Variants in ATG2B observed in about 807,000 individuals in gnomAD.
ATG2B encodes the protein autophagy-related protein 2 homolog B.
Under a neutral mutation model 241.3 loss-of-function variants are expected in ATG2B, and 121 were observed. The observed-to-expected ratio is 0.50, with a 90% confidence interval of 0.43 to 0.58. ATG2B has a LOEUF of 0.58. ATG2B is among the 20% of genes least tolerant of loss of function. The pLI is 0.00. For missense variants in ATG2B, 2,306 were observed against 2,491.6 expected, an observed-to-expected ratio of 0.93 and a Z score of 1.59; for synonymous variants, 858 against 876.6, an observed-to-expected ratio of 0.98 and a Z score of 0.37.
chr14:96,308,280 A>AT (rs1566719988), intron 29 of ATG2B, among the ~76,000 whole-genome samples: 11 of 28,652 alleles, frequency 3.8e-4, no homozygotes, highest in East Asian at 3.2e-3. Flanking sequence ...ATATATATAT[A>AT]TATTTTTTTT....
In ATG2B at chr14:96,333,738, G is replaced by A. The variant is rs1209154082; in HGVS notation, c.1157C>T (p.Ser386Leu). 6.2e-7 allele frequency: 1 copy of A among 1,613,900 alleles called. No homozygotes were observed. Among genetic ancestry groups the A allele is most frequent in the South Asian group, 1.1e-5 (1 of 91,072 alleles). The change falls in exon 8 of 42, where the codon TCA becomes TTA. Residue 386 changes from serine (S) to leucine (L), a missense_variant. Ser to Leu is a moderately radical substitution (Grantham distance 145). This residue lies in a region of ATG2B where 1,927 missense variants were observed against 2,011.2 expected (regional missense o/e 0.96). Coordinates refer to ENST00000359933, the MANE Select transcript of ATG2B (RefSeq NM_018036.7). ...RKDSLSVGVS[S>L]EQSFYETETA... ...TTCTGTCTCATAAAAGCTTTGCTCT[G>A]AAGATACACCCACAGAGAGGGAATC...
chr14:96,284,749 C>T lies in ATG2B; in HGVS notation c.*1006G>A, dbSNP rs1886291302. ...TTCATGGAAGCATAAAACAATATCA[C>T]CTTTAAATAAAAATACTTTATTCAT... On this transcript the variant is annotated 3_prime_UTR_variant, in exon 42 of 42. Transcript: ENST00000359933. 6.6e-6 allele frequency: 1 copy of T among 152,196 alleles called. No homozygotes were observed. The highest frequency in any genetic ancestry group is 2.4e-5 in the African/African-American group (1 of 41,440). The allele number at this position is 152,196 out of a possible 1,614,324, so 9.4% of individuals were successfully genotyped here.
Position 96,328,393 on chromosome 14 carries a change from A to T in ATG2B, c.2117T>A (p.Met706Lys), listed in dbSNP as rs1293674100. The T allele has an allele frequency of 1.2e-6, 2 of 1,613,592 alleles. No homozygotes were observed. Among genetic ancestry groups the T allele is most frequent in the Non-Finnish European group, 1.7e-6 (2 of 1,179,752 alleles). The stretch of plus-strand genomic sequence containing the variant: ...TGAAGTATACATGTGGGATGCCATC[A>T]TCTCTACTGTGGCAAGTTTCTGTGG... ...LQPQKLATVE[M>K]MASHMYTSYN... Residue 706 changes from methionine to lysine, a missense_variant, in exon 14 of 42, where the codon ATG (methionine) becomes AAG (lysine). By Grantham distance (95) the Met-to-Lys change is moderately conservative (BLOSUM62 -1). Around this residue, in one of 2 missense-constraint regions of ATG2B, gnomAD observed 1,927 missense variants for 2,011.2 expected, o/e 0.96. Coordinates refer to ENST00000359933, the MANE Select transcript of ATG2B (RefSeq NM_018036.7).
intron 34 of ATG2B, among the ~76,000 whole-genome samples, chr14:96,297,531 G>C (rs1357851072): frequency 6.6e-6 from 1 of 151,964 alleles, no homozygotes; most frequent in Non-Finnish European, 1.5e-5. Flanking sequence ...CTGAGTAGCT[G>C]GGATTACAGG....
chr14:96,309,511 A>C lies in ATG2B; in HGVS notation c.4245T>G (p.Asp1415Glu). The C allele has an allele frequency of 6.2e-7, 1 of 1,614,118 alleles. No individual in the cohort carries two copies. The highest frequency in any genetic ancestry group is 8.5e-7 in the Non-Finnish European group (1 of 1,179,982). ...DQQMLRDLMSDAMEEIDMQQG... is the reference protein window; with the variant it reads ...DQQMLRDLMSEAMEEIDMQQG... ...GTTGCATGTCGATCTCCTCCATAGC[A>C]TCACTCATCAGATCTCGTAACATTT... The change falls in exon 29 of 42, where the codon GAT (aspartate) becomes GAG (glutamate). Residue 1415 changes from aspartate (D) to glutamate (E), a missense_variant. Asp to Glu is a conservative substitution (Grantham distance 45). Transcript: ENST00000359933.
At chr14:96,308,282 A>ATATATATATATATTTTTTTTTTTTT (rs1566720002) in intron 29 of ATG2B, among the ~76,000 whole-genome samples, 1 of 37,036 alleles carries the variant, frequency 2.7e-5, no homozygotes, top group Non-Finnish European at 5.1e-5. Flanking sequence ...ATATATATAT[A>ATATATATATATATTTTTTTTTTTTT]TTTTTTTTTT....
Position 96,308,229 on chromosome 14 carries a change from T to C in ATG2B, c.4303+1224A>G, listed in dbSNP as rs1364567109. Among the ~76,000 whole-genome samples, 20 of 50,970 alleles carry C rather than the reference T, an allele frequency of 3.9e-4. 3 individuals are homozygous for C. Among genetic ancestry groups the C allele is most frequent in the Non-Finnish European group, 6.7e-4 (18 of 26,730 alleles). The allele number at this position is 50,970 out of a possible 152,430, so 33.4% of individuals were successfully genotyped here. On this transcript the variant is annotated intron_variant, in intron 29 of 41. Transcript: ENST00000359933. ...ATATATAAATACATAAATATATATA[T>C]ACATATATATATATATATATATACA...
intron 1 of ATG2B, among the ~76,000 whole-genome samples, chr14:96,350,761 T>G (rs906781551): frequency 1.3e-5 from 2 of 152,212 alleles, no homozygotes; most frequent in African/African-American, 4.8e-5. Context: ...GCTTTCTTCA[T>G]GCTGACATTT....
chr14:96,312,108 G>A lies in ATG2B; in HGVS notation c.3894C>T (p.Val1298=), dbSNP rs773603077. Residue 1298 remains valine (V), a synonymous_variant, in exon 26 of 42, where the codon GTC becomes GTT. Coordinates refer to ENST00000359933, the MANE Select transcript of ATG2B (RefSeq NM_018036.7). ...ALHLSDKCNT[V]TINLSRDYVR... ...TCTTACCTCTACTCAGATTTATAGT[G>A]ACAGTATTGCATTTGTCAGATAGAT... 1.6e-5 allele frequency: 25 copies of A among 1,603,904 alleles called. No individual in the cohort carries two copies. Among genetic ancestry groups the A allele is most frequent in the Middle Eastern group, 1.7e-4 (1 of 6,054 alleles).
intron 8 of ATG2B, 49 bp downstream of exon 8, chr14:96,333,639 T>C (rs1461459986): frequency 3.3e-6 from 5 of 1,534,476 alleles, no homozygotes; most frequent in Non-Finnish European, 4.4e-6. Flanking sequence ...TGTAATTTTA[T>C]CTATGATTAT....
At position 96,322,173 on chromosome 14, in the gene ATG2B, T is replaced by C. The variant is rs1887476514; in HGVS notation, c.2818A>G (p.Thr940Ala). The C allele has an allele frequency of 1.3e-6, 2 of 1,579,072 alleles. No homozygotes were observed. The highest frequency in any genetic ancestry group is 1.7e-6 in the Non-Finnish European group (2 of 1,168,410). The change falls in exon 18 of 42, where the codon ACG (threonine) becomes GCG (alanine). Residue 940 changes from threonine (T) to alanine (A), a missense_variant. Coordinates refer to ENST00000359933, the MANE Select transcript of ATG2B (RefSeq NM_018036.7). ...AGTGTTACATAAATATTTGGTAACG[T>C]AAGTTCCAGCACATAGTGAGAATTG... The part of the protein sequence containing the change: ...ISNSHYVLEL[T>A]LPNIYVTLPN...
intron 1 of ATG2B, among the ~76,000 whole-genome samples, chr14:96,351,462 G>A (rs1888318245): frequency 6.6e-6 from 1 of 152,076 alleles, no homozygotes. Flanking sequence ...TTGGCCAGGC[G>A]CAGTGGCTCA....
intron 35 of ATG2B, 29 bp downstream of exon 35, chr14:96,295,453 T>G: frequency 7.0e-7 from 1 of 1,438,126 alleles, no homozygotes; most frequent in Non-Finnish European, 9.5e-7. Flanking sequence ...GTACTTGGTA[T>G]AGTCTTTTCA....
At chr14:96,312,289 C>T (rs759202453) in intron 25 of ATG2B, 130 bp from the exon 26 acceptor site, 194 of 642,548 alleles carry the variant, frequency 3.0e-4, no homozygotes, top group Non-Finnish European at 4.7e-4. Flanking sequence ...CAGTTTCTAA[C>T]TTATAACTGT....
Position 96,285,963 on chromosome 14 carries a change from G to C in ATG2B, c.6029C>G (p.Thr2010Ser), listed in dbSNP as rs145257288. Residue 2010 changes from threonine to serine, a missense_variant, in exon 42 of 42, where the codon ACC (threonine) becomes AGC (serine). This residue lies in a region of ATG2B where 379 missense variants were observed against 480.4 expected (regional missense o/e 0.79). Coordinates refer to ENST00000359933, the MANE Select transcript of ATG2B (RefSeq NM_018036.7). The surrounding 1 kb of genome is among the most constrained non-coding windows in gnomAD (Gnocchi z 4.2). The stretch of plus-strand genomic sequence containing the variant: ...TTCTCGAGCCGCAGTTTCATAAATG[G>C]TCTGAGCCGTGTCTGTGATTCCCTG... ...VKEGITDTAQ[T>S]IYETAAREHE... 4.3e-6 allele frequency: 7 copies of C among 1,613,382 alleles called. No individual in the cohort carries two copies. In the Admixed American group the frequency reaches 5.0e-5, roughly 12 times the overall value.
chr14:96,350,559 C>T (rs142826427), intron 1 of ATG2B, among the ~76,000 whole-genome samples: 16 of 152,230 alleles, frequency 1.1e-4, no homozygotes, highest in African/African-American at 3.4e-4. Context: ...ACAGAAAGAA[C>T]GTAAATGCGA....
rs1240192697 is a variant in ATG2B at position 96,289,882 on chromosome 14, C to A, written c.5857-77G>T. The stretch of plus-strand genomic sequence containing the variant: ...TTACGGACCAGCAGAGCACTTCCTA[C>A]AGGGAGTGAGGAAGAGCAGAGGAAC... On this transcript the variant is annotated intron_variant, in intron 40 of 41. Transcript: ENST00000359933. The surrounding 1 kb of genome is among the most constrained non-coding windows in gnomAD (Gnocchi z 4.3). 15 of 1,465,744 alleles carry A rather than the reference C, an allele frequency of 1.0e-5. No homozygotes were observed. In the South Asian group the frequency reaches 1.8e-4, roughly 18 times the overall value. 90.8% of individuals were successfully genotyped at this position (1,465,744 alleles called of 1,614,324 possible).
rs1340133766 is a variant in ATG2B, at chr14:96,312,101, T to A, written c.3901A>T (p.Asn1301Tyr). Residue 1301 changes from asparagine to tyrosine, a missense_variant, in exon 26 of 42, where the codon AAT becomes TAT. Asn to Tyr is a moderately radical substitution (Grantham distance 143, BLOSUM62 -2). Around this residue, in one of 2 missense-constraint regions of ATG2B, gnomAD observed 1,927 missense variants for 2,011.2 expected, o/e 0.96. Coordinates refer to ENST00000359933, the MANE Select transcript of ATG2B (RefSeq NM_018036.7). ...LSDKCNTVTINLSRDYVRVMD... is the reference protein window; with the variant it reads ...LSDKCNTVTIYLSRDYVRVMD... ...TTTTAACTCTTACCTCTACTCAGAT[T>A]TATAGTGACAGTATTGCATTTGTCA... 7.5e-6 allele frequency: 12 copies of A among 1,605,178 alleles called. No homozygotes were observed. Among genetic ancestry groups the A allele is most frequent in the Non-Finnish European group, 9.3e-6 (11 of 1,176,796 alleles).
chr14:96,362,822 T>A lies in ATG2B; in HGVS notation c.155A>T (p.Asp52Val), dbSNP rs1888704729. Reference sequence around the variant, plus strand: ...GCCGCCGGCAGCTCTTACCCATTTGTCCAAGGGGACCTGGGCGAGGGACCC... The same window carrying A: ...GCCGCCGGCAGCTCTTACCCATTTGACCAAGGGGACCTGGGCGAGGGACCC... ...GTGSLAQVPL[D>V]KWCLNEILES... Residue 52 changes from aspartate to valine, a missense_variant, in exon 1 of 42, where the codon GAC (aspartate) becomes GTC (valine). Asp to Val is a radical substitution (Grantham distance 152, BLOSUM62 -3). Coordinates refer to ENST00000359933, the MANE Select transcript of ATG2B (RefSeq NM_018036.7). 6.2e-7 allele frequency: 1 copy of A among 1,606,918 alleles called. No homozygotes were observed. Among genetic ancestry groups the A allele is most frequent in the African/African-American group, 1.3e-5 (1 of 74,632 alleles).
Sources: allele counts gnomAD v4.1 joint callset (sites outside exome capture counted in the v4.1 genomes callset), GRCh38; gene constraint gnomAD v4.1.1; regional missense constraint gnomAD v4.1.1; non-coding constraint Gnocchi (gnomAD v3.1); transcripts MANE v1.5; gene names NCBI Gene and HGNC (gene_info 2026-07-23, HGNC 2026-07-21).